Variants in CSMD3 observed in about 807,000 individuals in gnomAD.
The protein encoded by CSMD3 is CUB and Sushi multiple domains 3.
A neutral mutation model predicts 435.2 loss-of-function variants in CSMD3; 177 were observed. That is an observed-to-expected ratio of 0.41 (90% confidence interval 0.36 to 0.46). CSMD3 has a LOEUF of 0.46. CSMD3 is among the 20% of genes least tolerant of loss of function. CSMD3 has a pLI of 0.34. For missense variants in CSMD3, 4,265 were observed against 4,504.6 expected (o/e 0.95, Z 1.52); for synonymous variants, 1,656 against 1,520.5 (o/e 1.09, Z -2.07).
chr8:112,335,303 A>T (rs1824451522), intron 45 of CSMD3, 26 bp downstream of exon 45: 1 of 1,607,800 alleles, frequency 6.2e-7, no homozygotes, highest in Non-Finnish European at 8.5e-7. Flanking sequence ...TAGCAAATGA[A>T]ATAGGAACTC....
At chr8:112,785,919 A>G (rs1022807119) in intron 13 of CSMD3, among the ~76,000 whole-genome samples, 1 of 152,118 alleles carries the variant, frequency 6.6e-6, no homozygotes, top group African/African-American at 2.4e-5. Flanking sequence ...CAGAAAAAGA[A>G]AAAATAATCC....
chr8:112,492,393 T>G, intron 31 of CSMD3, 96 bp downstream of exon 31: 1 of 913,628 alleles, frequency 1.1e-6, no homozygotes, highest in Non-Finnish European at 1.8e-6. Context: ...GTAGATTGTA[T>G]GTGGAATAGT....
At chr8:112,827,167 A>ATATC (rs2079715386) in intron 12 of CSMD3, among the ~76,000 whole-genome samples, 5 of 49,782 alleles carry the variant, frequency 1.0e-4, no homozygotes, top group African/African-American at 5.1e-4. Flanking sequence ...TACCATAAAT[A>ATATC]TATATATATA....
chr8:112,461,712 T>C (rs760247385), intron 32 of CSMD3, among the ~76,000 whole-genome samples: 4 of 152,148 alleles, frequency 2.6e-5, no homozygotes, highest in Non-Finnish European at 5.9e-5. Flanking sequence ...GATATTCCGA[T>C]GCATTAAAAA....
At chr8:112,861,472 C>G (rs1188090362) in intron 10 of CSMD3, among the ~76,000 whole-genome samples, 1 of 151,784 alleles carries the variant, frequency 6.6e-6, no homozygotes, top group East Asian at 1.9e-4. Flanking sequence ...TTTGATTTAC[C>G]ATACTCTTTA....
intron 13 of CSMD3, among the ~76,000 whole-genome samples, chr8:112,757,357 C>G (rs758288094): frequency 6.6e-6 from 1 of 151,340 alleles, no homozygotes; most frequent in South Asian, 2.1e-4. Flanking sequence ...ATTATTGTGA[C>G]GATGTTATAT....
intron 43 of CSMD3, 145 bp from the exon 44 acceptor site, chr8:112,336,974 A>G (rs1319169170): frequency 1.7e-5 from 12 of 702,754 alleles, no homozygotes; most frequent in Non-Finnish European, 2.2e-5. Context: ...TGTATAATGA[A>G]GTTGGCAACA....
rs543725106 is a variant in CSMD3 at position 112,550,775 on chromosome 8, C to T, written c.4460G>A (p.Gly1487Glu). The T allele has an allele frequency of 6.2e-7, 1 of 1,602,254 alleles. No individual in the cohort carries two copies. Among genetic ancestry groups the T allele is most frequent in the South Asian group, 1.1e-5 (1 of 90,858 alleles). ...ATGAATTCCTTCAGGAATAAGAGAT[C>T]CACTAATTTCCTTTAAAAGCATATC... is the stretch of plus-strand genomic sequence containing the variant. ...ENDMLLKEIS[G>E]SLIPEGIHST... is the part of the protein sequence containing the mutation. Residue 1487 changes from glycine (G) to glutamate (E), a missense_variant, in exon 27 of 71, where the codon GGA becomes GAA. This residue lies in a region of CSMD3 where 3,255 missense variants were observed against 3,380.2 expected (regional missense o/e 0.96). Coordinates refer to ENST00000297405, the MANE Select transcript of CSMD3 (RefSeq NM_198123.2).
intron 6 of CSMD3, among the ~76,000 whole-genome samples, chr8:112,986,205 T>A (rs894210255): frequency 6.6e-6 from 1 of 152,198 alleles, no homozygotes. Flanking sequence ...GCTTTTAGTA[T>A]AACTATATCC....
At chr8:112,297,609 C>T (rs1253803132) in intron 53 of CSMD3, among the ~76,000 whole-genome samples, 1 of 152,036 alleles carries the variant, frequency 6.6e-6, no homozygotes, top group Non-Finnish European at 1.5e-5. Flanking sequence ...AAAAAACCTC[C>T]AGTGCAATAC....
At chr8:112,971,215 T>C (rs1042359390) in intron 7 of CSMD3, among the ~76,000 whole-genome samples, 53 of 152,216 alleles carry the variant, frequency 3.5e-4, no homozygotes, top group Non-Finnish European at 8.8e-5. Context: ...ATTGTATTGT[T>C]CATTCTCATG....
At chr8:112,318,203 T>C (rs1042172665) in intron 47 of CSMD3, among the ~76,000 whole-genome samples, 29 of 152,070 alleles carry the variant, frequency 1.9e-4, no homozygotes, top group African/African-American at 7.0e-4. Context: ...AGACTCATTG[T>C]CATTTGGAAT....
At chr8:112,498,999 A>C (rs1438683190) in intron 30 of CSMD3, among the ~76,000 whole-genome samples, 3 of 152,178 alleles carry the variant, frequency 2.0e-5, no homozygotes, top group African/African-American at 7.2e-5. Context: ...CTTAGTGTAT[A>C]GTGGTGAATG....
intron 3 of CSMD3, among the ~76,000 whole-genome samples, chr8:113,200,313 A>G (rs2092703764): frequency 6.6e-6 from 1 of 151,702 alleles, no homozygotes; most frequent in African/African-American, 2.4e-5. Context: ...AAACCAACCA[A>G]GTCTCTCACT....
chr8:112,806,050 T>G (rs1184212948), intron 12 of CSMD3, among the ~76,000 whole-genome samples: 1 of 152,132 alleles, frequency 6.6e-6, no homozygotes, highest in African/African-American at 2.4e-5. Context: ...CATCTGTTGA[T>G]GCTGAAGGCA....
At chr8:113,091,843 T>C (rs1485332867) in intron 5 of CSMD3, among the ~76,000 whole-genome samples, 1 of 152,084 alleles carries the variant, frequency 6.6e-6, no homozygotes, top group Admixed American at 6.6e-5. Context: ...TTGCTCTTGC[T>C]TTCATAGTTC....
At position 112,357,543 on chromosome 8, in the gene CSMD3, G is replaced by C. The variant is rs575850617; in HGVS notation, c.6137-5009C>G. On this transcript the variant is annotated intron_variant, in intron 38 of 70. Coordinates refer to ENST00000297405, the MANE Select transcript of CSMD3 (RefSeq NM_198123.2). ...AGACAATGGGGAAAATGTTTCCAGGGCATGTCAGAGGTCTTCATGGCAGCC... is the reference window on the plus strand; with the variant it reads ...AGACAATGGGGAAAATGTTTCCAGGCCATGTCAGAGGTCTTCATGGCAGCC... 2.0e-5 allele frequency among the ~76,000 whole-genome samples: 3 copies of C among 152,296 alleles called. No homozygotes were observed. In the East Asian group the frequency reaches 5.8e-4, roughly 30 times the overall value.
At chr8:112,653,791 C>T (rs146442684) in intron 18 of CSMD3, among the ~76,000 whole-genome samples, 1 of 151,634 alleles carries the variant, frequency 6.6e-6, no homozygotes, top group Non-Finnish European at 1.5e-5. Context: ...TCCTGAGTAG[C>T]TTGGATTACA....
At chr8:113,208,876 A>T (rs1170300169) in intron 3 of CSMD3, among the ~76,000 whole-genome samples, 1 of 152,110 alleles carries the variant, frequency 6.6e-6, no homozygotes, top group Non-Finnish European at 1.5e-5. Flanking sequence ...CCCTCTCTTT[A>T]AATAAATGTA....
Sources: allele counts gnomAD v4.1 joint callset (sites outside exome capture counted in the v4.1 genomes callset), GRCh38; gene constraint gnomAD v4.1.1; regional missense constraint gnomAD v4.1.1; transcripts MANE v1.5; gene names NCBI Gene and HGNC (gene_info 2026-07-23, HGNC 2026-07-21).